The following WDR27 variants were observed in gnomAD, a reference collection of about 807,000 sequenced individuals.
The protein encoded by WDR27 is WD repeat-containing protein 27.
Under a neutral mutation model 114.4 loss-of-function variants are expected in WDR27, and 100 were observed. The ratio of observed to expected loss-of-function variants is 0.87; its 90% confidence interval spans 0.74 to 1.03. The LOEUF is 1.03. Among genes scored for constraint, WDR27 ranks in the 50% least tolerant of loss-of-function variants. The pLI, the probability that WDR27 is intolerant of heterozygous loss-of-function variation, is 0.00. For synonymous variants in WDR27, 449 were observed against 423.1 expected (o/e 1.06, Z -0.75); for missense variants, 1,129 against 1,092.9 (o/e 1.03, Z -0.47).
chr6:169,636,625 A>T (rs1817714387), intron 18 of WDR27, 121 bp from the exon 19 acceptor site: 8 of 1,014,108 alleles, frequency 7.9e-6, no homozygotes, highest in Admixed American at 3.3e-5. Context: ...TGTGTACATA[A>T]ACTTTGTTAG....
intron 1 of WDR27, among the ~76,000 whole-genome samples, chr6:169,699,526 CA>C (rs1787254244): frequency 6.6e-6 from 1 of 152,166 alleles, no homozygotes; most frequent in African/African-American, 2.4e-5. Context: ...TAAGAAGTAT[CA>C]AGCAAAGAAC....
intron 17 of WDR27, among the ~76,000 whole-genome samples, chr6:169,639,312 C>T (rs1437653375): frequency 6.6e-6 from 1 of 152,094 alleles, no homozygotes; most frequent in Non-Finnish European, 1.5e-5. Flanking sequence ...CCTCGCATTT[C>T]TTAAACTAAG....
At chr6:169,510,889 T>C (rs976512478) in intron 25 of WDR27, among the ~76,000 whole-genome samples, 2 of 152,208 alleles carry the variant, frequency 1.3e-5, no homozygotes, top group African/African-American at 4.8e-5. Context: ...ATACTATTTC[T>C]TAGTGAATTC....
rs529755402 is a variant in WDR27, at chr6:169,513,611, C to T, written c.2646-55977G>A. ...AACCAGGCACTAAGTAGGAGAGTCT[C>T]GGAACAGAACATTCTATGCAGTAAT... is the stretch of plus-strand genomic sequence containing the variant. On this transcript the variant is annotated intron_variant, in intron 25 of 25. Transcript: ENST00000448612. Among the ~76,000 whole-genome samples the T allele has an allele frequency of 4.9e-4, 19 of 39,168 alleles. No homozygotes were observed. The South Asian group carries it at 6.5e-3, about 13-fold the overall frequency. 25.7% of individuals were successfully genotyped at this position (39,168 alleles called of 152,430 possible).
intron 22 of WDR27, among the ~76,000 whole-genome samples, chr6:169,607,226 C>A (rs1168487336): frequency 3.9e-5 from 6 of 152,030 alleles, no homozygotes. Flanking sequence ...TTTCAGAAAC[C>A]CCACTGCTGG....
chr6:169,506,458 C>T (rs1309442578), intron 25 of WDR27, among the ~76,000 whole-genome samples: 6 of 152,176 alleles, frequency 3.9e-5, no homozygotes. Flanking sequence ...TTTATAATTT[C>T]TAAATTTTGC....
intron 23 of WDR27, among the ~76,000 whole-genome samples, chr6:169,589,668 A>G (rs188795188): frequency 6.6e-6 from 1 of 152,364 alleles, no homozygotes; most frequent in African/African-American, 2.4e-5. Context: ...CCAAATATCA[A>G]TATTTTAGTA....
intron 23 of WDR27, among the ~76,000 whole-genome samples, chr6:169,589,207 G>C (rs750152253): frequency 1.3e-5 from 2 of 152,184 alleles, no homozygotes; most frequent in African/African-American, 2.4e-5. Context: ...TATAATGACT[G>C]AGTCTCTTTT....
At chr6:169,469,563 G>A (rs556063554) in intron 25 of WDR27, among the ~76,000 whole-genome samples, 27 of 152,334 alleles carry the variant, frequency 1.8e-4, no homozygotes, top group Middle Eastern at 3.4e-3. Context: ...CAGACAAGCT[G>A]TACCCTGTGA....
intron 25 of WDR27, among the ~76,000 whole-genome samples, chr6:169,477,967 A>G (rs1787420642): frequency 6.6e-6 from 1 of 152,234 alleles, no homozygotes; most frequent in South Asian, 2.1e-4. Flanking sequence ...GGCAATAAAA[A>G]AAACTATTGA....
intron 25 of WDR27, among the ~76,000 whole-genome samples, chr6:169,486,064 CT>C (rs1376857752): frequency 6.6e-6 from 1 of 151,892 alleles, no homozygotes; most frequent in Non-Finnish European, 1.5e-5. Context: ...GGCCTAGTAC[CT>C]GGATGACAAA....
chr6:169,697,731 C>A (rs776973777), intron 1 of WDR27, among the ~76,000 whole-genome samples: 3 of 152,172 alleles, frequency 2.0e-5, no homozygotes, highest in Admixed American at 6.5e-5. Flanking sequence ...AGGGAAGGGC[C>A]CCCTGTCCAG....
intron 25 of WDR27, chr6:169,559,620 G>A (rs1799395948): frequency 6.6e-6 from 1 of 152,148 alleles, no homozygotes; most frequent in Admixed American, 6.5e-5. Context: ...ATTTGAGAAG[G>A]AAACCTTTCT....
At chr6:169,440,949 C>A in the WDR27 span, among the ~76,000 whole-genome samples, 1 of 152,136 alleles carries the variant, frequency 6.6e-6, no homozygotes, top group African/African-American at 2.4e-5. Flanking sequence ...AACCTTTGTA[C>A]AAATTAAATT....
intron 24 of WDR27, among the ~76,000 whole-genome samples, chr6:169,582,019 G>A (rs748169541): frequency 3.3e-5 from 5 of 152,156 alleles, no homozygotes; most frequent in Non-Finnish European, 5.9e-5. Context: ...TGTTGCCCAG[G>A]CTGGAGTGTA....
intron 2 of WDR27, among the ~76,000 whole-genome samples, chr6:169,679,819 G>A (rs1403042722): frequency 6.6e-6 from 1 of 152,080 alleles, no homozygotes; most frequent in Admixed American, 6.6e-5. Context: ...ATACAGAAAT[G>A]GCCTAATACA....
At position 169,533,209 on chromosome 6, in the gene WDR27, C is replaced by T. The variant is rs187510802; in HGVS notation, c.2645+39210G>A. On this transcript the variant is annotated intron_variant, in intron 25 of 25. Coordinates refer to ENST00000448612, the MANE Select transcript of WDR27 (RefSeq NM_182552.5). ...GAGCTCAGGGTTTCCAAAGAAAGCA[C>T]AGGACACAGGCATGGCCATGTGAGA... Among the ~76,000 whole-genome samples, 429 of 147,484 alleles carry T rather than the reference C, an allele frequency of 2.9e-3. 2 individuals carry two copies. The highest frequency in any genetic ancestry group is 0.01 in the African/African-American group (409 of 40,156).
intron 23 of WDR27, among the ~76,000 whole-genome samples, chr6:169,589,960 C>CAACAAGTCCTGAGAGAAGAAGCGAGAAA (rs11275789): frequency 1.3e-5 from 2 of 151,948 alleles, no homozygotes; most frequent in Non-Finnish European, 2.9e-5. Context: ...AGAACCAAAT[C>CAACAAGTCCTGAGAGAAGAAGCGAGAAA]AAGGGAAGCA....
intron 25 of WDR27, among the ~76,000 whole-genome samples, chr6:169,473,822 C>T (rs912424824): frequency 6.6e-6 from 1 of 152,216 alleles, no homozygotes; most frequent in African/African-American, 2.4e-5. Flanking sequence ...GTCCTGTAAT[C>T]CACATGGGCA....
Sources: allele counts gnomAD v4.1 joint callset (sites outside exome capture counted in the v4.1 genomes callset), GRCh38; gene constraint gnomAD v4.1.1; transcripts MANE v1.5; gene names NCBI Gene and HGNC (gene_info 2026-07-23, HGNC 2026-07-21).